CAMK2G: variants seen among roughly 807,000 people sequenced by gnomAD.
CAMK2G encodes the protein calcium/calmodulin dependent protein kinase II gamma.
In CAMK2G, 23 loss-of-function variants were observed where a neutral mutation model predicts 88.7. The observed-to-expected ratio is 0.26, with a 90% CI of 0.19 to 0.37. CAMK2G has a LOEUF of 0.37. Among genes scored for constraint, CAMK2G ranks in the 10% least tolerant of loss-of-function variants. CAMK2G has a pLI of 1.00. For synonymous variants in CAMK2G, 263 were observed against 294.8 expected, an observed-to-expected ratio of 0.89 and a Z score of 1.11; for missense variants, 476 against 780.8, an observed-to-expected ratio of 0.61 and a Z score of 4.65.
intron 18 of CAMK2G, among the ~76,000 whole-genome samples, chr10:73,820,492 A>ATATATATATATATATAT (rs1554995765): frequency 2.0e-5 from 1 of 51,052 alleles, no homozygotes; most frequent in African/African-American, 8.9e-5. Context: ...ATATATATAT[A>ATATATATATATATATAT]TTTTTTTTTT....
At chr10:73,843,038 C>T (rs1054025045) in intron 10 of CAMK2G, among the ~76,000 whole-genome samples, 1 of 152,040 alleles carries the variant, frequency 6.6e-6, no homozygotes, top group Admixed American at 6.6e-5. Context: ...AGGATCGTCA[C>T]CTTGAAGCAT....
intron 14 of CAMK2G, among the ~76,000 whole-genome samples, chr10:73,835,785 C>T (rs2093131525): frequency 6.6e-6 from 1 of 152,184 alleles, no homozygotes; most frequent in Non-Finnish European, 1.5e-5. Context: ...AGAACCCATA[C>T]AAATATAATT....
chr10:73,872,289 C>T (rs1166116582), intron 2 of CAMK2G, among the ~76,000 whole-genome samples: 1 of 100,616 alleles, frequency 9.9e-6, no homozygotes, highest in African/African-American at 3.3e-5. Context: ...AAGGCCTTGG[C>T]CTTTATGCTC....
intron 17 of CAMK2G, among the ~76,000 whole-genome samples, chr10:73,822,451 A>AG (rs2089275092): frequency 6.6e-6 from 1 of 152,172 alleles, no homozygotes; most frequent in Non-Finnish European, 1.5e-5. Context: ...TACGGGCGTG[A>AG]GCCACCACGC....
chr10:73,814,789 C>T (rs1244030407), intron 22 of CAMK2G: 4 of 562,526 alleles, frequency 7.1e-6, no homozygotes, highest in South Asian at 2.3e-5. Flanking sequence ...GGGAAGTAAC[C>T]TGTCTGAGGT....
Position 73,826,370 on chromosome 10 carries a change from T to C in CAMK2G, c.1087-1023A>G, listed in dbSNP as rs547557951. Reference sequence around the variant, plus strand: ...ATTGCTTGAACCTGGGAGGCAGAGATTGCAGTGAGCCAAGATTGCACCACT... The same window carrying C: ...ATTGCTTGAACCTGGGAGGCAGAGACTGCAGTGAGCCAAGATTGCACCACT... On this transcript the variant is annotated intron_variant, in intron 15 of 22. Coordinates refer to ENST00000423381, the MANE Select transcript of CAMK2G (RefSeq NM_001367534.1). 6.6e-5 allele frequency among the ~76,000 whole-genome samples: 10 copies of C among 152,222 alleles called. No homozygotes were observed. The South Asian group carries it at 1.0e-3, about 16-fold the overall frequency.
At position 73,843,190 on chromosome 10, in the gene CAMK2G, A is replaced by C. The variant is rs142541457; in HGVS notation, c.820-649T>G. 7.3e-4 allele frequency among the ~76,000 whole-genome samples: 111 copies of C among 151,722 alleles called. 1 individual carries two copies. The East Asian group carries it at 0.019, about 26-fold the overall frequency. On this transcript the variant is annotated intron_variant, in intron 10 of 22. Transcript: ENST00000423381. Reference sequence around the variant, plus strand: ...CAGGTTCTCCTGTCTTGGCCTCCCGAGTAGCTGGGACTACAGGCACATCCC... The same window carrying C: ...CAGGTTCTCCTGTCTTGGCCTCCCGCGTAGCTGGGACTACAGGCACATCCC...
At chr10:73,834,469 A>C (rs1051845283) in intron 14 of CAMK2G, among the ~76,000 whole-genome samples, 1 of 152,138 alleles carries the variant, frequency 6.6e-6, no homozygotes, top group African/African-American at 2.4e-5. Flanking sequence ...GTCCTCATTT[A>C]AAGCCTTTAC....
At chr10:73,834,254 ACT>A (rs1456224015) in intron 14 of CAMK2G, among the ~76,000 whole-genome samples, 8 of 151,958 alleles carry the variant, frequency 5.3e-5, no homozygotes, top group African/African-American at 1.9e-4. Context: ...TGTCACAGAA[ACT>A]CTTTCAATAA....
rs376942773 is a variant in CAMK2G, at chr10:73,848,627, G to A, written c.518-18C>T. 1.0e-4 allele frequency: 158 copies of A among 1,516,538 alleles called. No individual in the cohort carries two copies. The highest frequency in any genetic ancestry group is 1.4e-4 in the Admixed American group (8 of 57,504). 93.9% of individuals were successfully genotyped at this position (1,516,538 alleles called of 1,614,324 possible). On this transcript the variant is annotated intron_variant, in intron 7 of 22. Transcript: ENST00000423381. The surrounding 1 kb of genome is among the most constrained non-coding windows in gnomAD (Gnocchi z 4.5). Reference sequence around the variant, plus strand: ...AGCAAAACCTGTAGCAAAAGAGAGGGCAGAGGCATACTGAACCCACTTTCT... The same window carrying A: ...AGCAAAACCTGTAGCAAAAGAGAGGACAGAGGCATACTGAACCCACTTTCT...
chr10:73,817,187 G>A (rs1273412963), intron 20 of CAMK2G, 70 bp from the exon 21 acceptor site: 7 of 1,541,610 alleles, frequency 4.5e-6, no homozygotes, highest in South Asian at 2.6e-5. Context: ...CCTTATCAGC[G>A]GTGTCTATCC....
chr10:73,841,976 G>T (rs1457514319), intron 12 of CAMK2G, 193 bp downstream of exon 12: 4 of 611,100 alleles, frequency 6.5e-6, no homozygotes, highest in Non-Finnish European at 1.2e-5. Flanking sequence ...ATTCACAAAT[G>T]TGAGTCCAGC....
intron 13 of CAMK2G, 109 bp from the exon 14 acceptor site, chr10:73,837,620 G>A: frequency 1.1e-6 from 1 of 896,286 alleles, no homozygotes; most frequent in East Asian, 2.4e-5. Context: ...AGGGGGCCAA[G>A]GGTCTCCCGA....
At chr10:73,836,751 T>C (rs953811661) in intron 14 of CAMK2G, among the ~76,000 whole-genome samples, 1 of 152,198 alleles carries the variant, frequency 6.6e-6, no homozygotes, top group African/African-American at 2.4e-5. Flanking sequence ...GGATCCTTTC[T>C]GCCCCCAAAG....
chr10:73,870,143 G>T (rs913550956), intron 2 of CAMK2G, among the ~76,000 whole-genome samples: 1 of 152,138 alleles, frequency 6.6e-6, no homozygotes, highest in African/African-American at 2.4e-5. Context: ...CTCCTTGAGG[G>T]GGGTGCTCTT....
Position 73,848,169 on chromosome 10 carries a change from T to C in CAMK2G, c.602-87A>G. On this transcript the variant is annotated intron_variant, in intron 8 of 22. Coordinates refer to ENST00000423381, the MANE Select transcript of CAMK2G (RefSeq NM_001367534.1). The surrounding 1 kb of genome is among the most constrained non-coding windows in gnomAD (Gnocchi z 4.5). ...AAACCATGCAGGGCTCAGAGCCACC[T>C]AGAAAGGCAGGGGCCATACCAGAGT... 1.2e-6 allele frequency: 1 copy of C among 820,086 alleles called. No homozygotes were observed. The highest frequency in any genetic ancestry group is 2.1e-6 in the Non-Finnish European group (1 of 472,362). 50.8% of individuals were successfully genotyped at this position (820,086 alleles called of 1,614,324 possible).
intron 12 of CAMK2G, chr10:73,841,848 C>T (rs139130953): frequency 3.4e-6 from 1 of 297,258 alleles, no homozygotes; most frequent in African/African-American, 2.2e-5. Flanking sequence ...CCTCCAAGAT[C>T]CTAGAATGGC....
chr10:73,852,412 G>T, intron 4 of CAMK2G, 93 bp from the exon 5 acceptor site: 1 of 1,009,154 alleles, frequency 9.9e-7, no homozygotes, highest in Non-Finnish European at 1.6e-6. Flanking sequence ...CTGTAGAATG[G>T]CTTTCAGAGA....
chr10:73,839,599 CAACT>C lies in CAMK2G; in HGVS notation c.947-2_948del. Reference sequence around the variant, plus strand: ...GAGGCGGGGGCGGAGCTCTGCCTGCCAACTGAGGGGATACAGTCTCTCAGTGCAC... The same window carrying C: ...GAGGCGGGGGCGGAGCTCTGCCTGCCGAGGGGATACAGTCTCTCAGTGCAC... On this transcript the variant is annotated splice_acceptor_variant and coding_sequence_variant, in exon 13 of 23. Transcript: ENST00000423381. LOFTEE classifies it high-confidence loss of function. This position sits in a 1 kb window ranked among gnomAD's most constrained non-coding sequence, Gnocchi z 4.2. The C allele has an allele frequency of 8.1e-7, 1 of 1,232,960 alleles. No homozygotes were observed. Among genetic ancestry groups the C allele is most frequent in the Non-Finnish European group, 1.0e-6 (1 of 986,920 alleles). The allele number at this position is 1,232,960 out of a possible 1,614,324, so 76.4% of individuals were successfully genotyped here. A position where few individuals can be genotyped will look rare whatever the true frequency, so the allele number is the denominator to read the frequency against.
Sources: gnomAD v4.1 joint callset for allele counts (sites outside exome capture counted in the v4.1 genomes callset) on GRCh38, gnomAD v4.1.1 for gene constraint, Gnocchi (gnomAD v3.1) non-coding constraint, MANE v1.5 for transcripts, NCBI Gene and HGNC (gene_info 2026-07-23, HGNC 2026-07-21) for gene names.